MED13: variants seen among roughly 807,000 people sequenced by gnomAD.
MED13 encodes mediator of RNA polymerase II transcription subunit 13.
In MED13, 23 loss-of-function variants were observed where a neutral mutation model predicts 225.2. The observed-to-expected ratio is 0.10, with a 90% CI of 0.07 to 0.14. The LOEUF (loss-of-function observed/expected upper bound fraction) is 0.14, where lower values mean the gene tolerates loss of function less well. Among genes scored for constraint, MED13 ranks in the 10% least tolerant of loss-of-function variants. The pLI is 1.00. For synonymous variants in MED13, 942 were observed against 889.2 expected, an observed-to-expected ratio of 1.06 and a Z score of -1.06; for missense variants, 2,197 against 2,594.5, an observed-to-expected ratio of 0.85 and a Z score of 3.33.
At chr17:62,062,596 CACACCACACACA>C (rs988266288) in intron 2 of MED13, among the ~76,000 whole-genome samples, 4 of 58,796 alleles carry the variant, frequency 6.8e-5, no homozygotes, top group South Asian at 3.9e-4. Context: ...CACACACACA[CACACCACACACA>C]CACACACACA....
chr17:61,974,417 A>C (rs981518385), intron 16 of MED13, among the ~76,000 whole-genome samples: 11 of 152,150 alleles, frequency 7.2e-5, no homozygotes, highest in African/African-American at 2.7e-4. Context: ...AAAATAAATA[A>C]ATAAAGATGA....
chr17:62,037,984 A>G (rs2143701725), intron 3 of MED13, among the ~76,000 whole-genome samples: 1 of 147,624 alleles, frequency 6.8e-6, no homozygotes, highest in Admixed American at 6.7e-5. Flanking sequence ...AAAAAAAAAA[A>G]AGACACAGCG....
intron 6 of MED13, 168 bp from the exon 7 acceptor site, chr17:62,030,181 G>A: frequency 1.7e-6 from 1 of 594,712 alleles, no homozygotes; most frequent in South Asian, 3.4e-5. Flanking sequence ...ATCTCATTAG[G>A]CAAATGTGGC....
At chr17:62,055,083 G>C (rs902970472) in intron 2 of MED13, among the ~76,000 whole-genome samples, 2 of 152,248 alleles carry the variant, frequency 1.3e-5, no homozygotes. Context: ...GCCAGGTGTG[G>C]TGGCTCACGC....
intron 10 of MED13, among the ~76,000 whole-genome samples, chr17:61,994,763 G>A (rs1022799282): frequency 7.9e-5 from 12 of 152,194 alleles, no homozygotes; most frequent in African/African-American, 2.9e-4. Flanking sequence ...AAGCTGGAGT[G>A]CAGTAGCCTG....
At chr17:61,978,347 G>A (rs115147448) in intron 16 of MED13, among the ~76,000 whole-genome samples, 9 of 151,988 alleles carry the variant, frequency 5.9e-5, no homozygotes, top group African/African-American at 1.7e-4. Flanking sequence ...CACCTCATGG[G>A]GTCAAGCAAT....
chr17:61,998,925 CTTTTT>C (rs10617153), intron 9 of MED13, among the ~76,000 whole-genome samples: 107 of 103,836 alleles, frequency 1.0e-3, no homozygotes, highest in African/African-American at 3.5e-3. Flanking sequence ...TTAAATGGTA[CTTTTT>C]TTTTTTTTTT....
At chr17:62,041,321 G>C (rs1432631797) in intron 3 of MED13, among the ~76,000 whole-genome samples, 1 of 152,144 alleles carries the variant, frequency 6.6e-6, no homozygotes, top group Non-Finnish European at 1.5e-5. Flanking sequence ...TGAGGTACCT[G>C]CAATAGTCAA....
chr17:62,001,877 T>A (rs1447816604), intron 9 of MED13, among the ~76,000 whole-genome samples: 1 of 152,222 alleles, frequency 6.6e-6, no homozygotes, highest in African/African-American at 2.4e-5. Flanking sequence ...ATTTTAAAAA[T>A]ACCTTTTAAG....
intron 1 of MED13, among the ~76,000 whole-genome samples, chr17:62,064,443 T>C (rs1373544884): frequency 6.6e-6 from 1 of 152,118 alleles, no homozygotes. Context: ...ACAATAAATA[T>C]AGAAACAGTG....
intron 6 of MED13, chr17:62,030,643 T>A (rs1201639882): frequency 6.6e-6 from 1 of 152,248 alleles, no homozygotes; most frequent in Non-Finnish European, 1.5e-5. Flanking sequence ...TTTTGTAAGG[T>A]CAGCTGAGCA....
At chr17:62,048,066 A>ATATATATG (rs2080917843) in intron 3 of MED13, among the ~76,000 whole-genome samples, 1 of 144,024 alleles carries the variant, frequency 6.9e-6, no homozygotes, top group East Asian at 2.0e-4. Flanking sequence ...ATATATATGT[A>ATATATATG]TATATGTATA....
At chr17:61,986,578 A>G (rs566619733) in intron 12 of MED13, among the ~76,000 whole-genome samples, 12 of 152,356 alleles carry the variant, frequency 7.9e-5, no homozygotes, top group African/African-American at 2.9e-4. Context: ...TGCAAAACAA[A>G]TTCAAAAGAG....
intron 8 of MED13, among the ~76,000 whole-genome samples, chr17:62,025,440 G>A (rs552752438): frequency 7.5e-4 from 114 of 152,356 alleles, no homozygotes; most frequent in African/African-American, 2.6e-3. Flanking sequence ...GGCCAAGGCA[G>A]ATGGATCACC....
At chr17:61,993,714 G>A (rs1292702869) in intron 10 of MED13, among the ~76,000 whole-genome samples, 2 of 151,832 alleles carry the variant, frequency 1.3e-5, no homozygotes, top group East Asian at 4.0e-4. Flanking sequence ...CGGATCACTT[G>A]AGGTCAGCAG....
chr17:61,965,609 A>G (rs1255728880), intron 19 of MED13, 141 bp from the exon 20 acceptor site: 1 of 771,722 alleles, frequency 1.3e-6, no homozygotes. Context: ...TAATGGTGTG[A>G]CCTACACTTG....
chr17:62,018,283 T>C (rs750106109), intron 8 of MED13, among the ~76,000 whole-genome samples: 1 of 152,166 alleles, frequency 6.6e-6, no homozygotes, highest in Non-Finnish European at 1.5e-5. Context: ...AGATGAAAAA[T>C]ATTATTTTTC....
chr17:61,994,619 C>T (rs930901945), intron 10 of MED13, among the ~76,000 whole-genome samples: 1 of 152,170 alleles, frequency 6.6e-6, no homozygotes, highest in African/African-American at 2.4e-5. Flanking sequence ...TTATCCAACC[C>T]AGAAACTTTT....
chr17:61,972,579 G>A (rs1644586318), intron 17 of MED13, 148 bp downstream of exon 17: 1 of 699,518 alleles, frequency 1.4e-6, no homozygotes, highest in African/African-American at 1.8e-5. Context: ...TGGAAATGGT[G>A]GGAAAAAAAG....
Sources: gnomAD v4.1 joint callset for allele counts (sites outside exome capture counted in the v4.1 genomes callset) on GRCh38, gnomAD v4.1.1 for gene constraint, MANE v1.5 for transcripts, NCBI Gene and HGNC (gene_info 2026-07-23, HGNC 2026-07-21) for gene names.